The following PGM2L1 variants were observed in gnomAD, a reference collection of about 807,000 sequenced individuals.
PGM2L1 encodes phosphoglucomutase 2 like 1, also known as glucose 1,6-bisphosphate synthase.
A neutral mutation model predicts 73.4 loss-of-function variants in PGM2L1; 35 were observed. The observed-to-expected ratio is 0.48, with a 90% CI of 0.36 to 0.63. PGM2L1 has a LOEUF of 0.63. Among genes scored for constraint, PGM2L1 ranks in the 30% least tolerant of loss-of-function variants. The pLI is 0.00. For missense variants in PGM2L1, 570 were observed against 742.0 expected (o/e 0.77, Z 2.69); for synonymous variants, 225 against 253.8 (o/e 0.89, Z 1.08).
In PGM2L1 at chr11:74,335,617, A is replaced by G. The variant is rs1326943879; in HGVS notation, c.*1035T>C. 1 of 152,106 alleles carries G rather than the reference A, an allele frequency of 6.6e-6. No homozygotes were observed. Among genetic ancestry groups the G allele is most frequent in the Non-Finnish European group, 1.5e-5 (1 of 68,000 alleles). 9.4% of individuals were successfully genotyped at this position (152,106 alleles called of 1,614,324 possible). A position where few individuals can be genotyped will look rare whatever the true frequency, so the allele number is the denominator to read the frequency against. ...AGTAAAATTAACATTACTTCATAAA[A>G]TAAAAGAATAAATCTACTTACAAAA... On this transcript the variant is annotated 3_prime_UTR_variant, in exon 14 of 14. Transcript: ENST00000298198.
At chr11:74,343,769 C>CTTTTTT (rs56938172) in intron 9 of PGM2L1, among the ~76,000 whole-genome samples, 8 of 79,118 alleles carry the variant, frequency 1.0e-4, no homozygotes, top group Admixed American at 1.8e-4. Flanking sequence ...TTTACATTAT[C>CTTTTTT]TTTTTTTTTT....
chr11:74,348,722 T>C (rs1862304943), intron 6 of PGM2L1, among the ~76,000 whole-genome samples: 1 of 152,194 alleles, frequency 6.6e-6, no homozygotes, highest in Non-Finnish European at 1.5e-5. Context: ...AACCCAAATG[T>C]CATTTATTGA....
At chr11:74,377,022 T>G (rs1273242072) in intron 1 of PGM2L1, among the ~76,000 whole-genome samples, 1 of 152,122 alleles carries the variant, frequency 6.6e-6, no homozygotes, top group Admixed American at 6.5e-5. Context: ...TATTCTCCAT[T>G]CAGATGAACT....
chr11:74,363,585 A>G (rs1287120953), intron 5 of PGM2L1, among the ~76,000 whole-genome samples: 3 of 152,222 alleles, frequency 2.0e-5, no homozygotes, highest in East Asian at 3.8e-4. Context: ...AGAGAATACT[A>G]TAAACACCTC....
At chr11:74,356,721 AT>A (rs1309995030) in intron 5 of PGM2L1, among the ~76,000 whole-genome samples, 5 of 152,370 alleles carry the variant, frequency 3.3e-5, no homozygotes, top group Admixed American at 2.6e-4. Context: ...AAGAGTTCCC[AT>A]AAATCAATAA....
At position 74,346,553 on chromosome 11, in the gene PGM2L1, T is replaced by C. The variant is rs144831506; in HGVS notation, c.1037+179A>G. On this transcript the variant is annotated intron_variant, in intron 8 of 13. Coordinates refer to ENST00000298198, the MANE Select transcript of PGM2L1 (RefSeq NM_173582.6). ...ACAAATACATCTTTAAATATTTCAATTTAAAAGACAGGAAAGAATTATCAA... is the reference window on the plus strand; with the variant it reads ...ACAAATACATCTTTAAATATTTCAACTTAAAAGACAGGAAAGAATTATCAA... Among the ~76,000 whole-genome samples, 25 of 152,286 alleles carry C rather than the reference T, an allele frequency of 1.6e-4. No individual in the cohort carries two copies. In the East Asian group the frequency reaches 4.4e-3, roughly 27 times the overall value.
At chr11:74,360,573 T>C (rs187076323) in intron 5 of PGM2L1, among the ~76,000 whole-genome samples, 1 of 152,042 alleles carries the variant, frequency 6.6e-6, no homozygotes, top group Non-Finnish European at 1.5e-5. Context: ...GGACAGTGGG[T>C]GCAGCCCATC....
chr11:74,376,456 T>C (rs1862854535), intron 1 of PGM2L1, among the ~76,000 whole-genome samples: 1 of 149,834 alleles, frequency 6.7e-6, no homozygotes, highest in African/African-American at 2.4e-5. Context: ...AGTGTGTGTG[T>C]ATATATATAT....
chr11:74,390,987 A>G (rs1863093897), intron 1 of PGM2L1, among the ~76,000 whole-genome samples: 1 of 152,158 alleles, frequency 6.6e-6, no homozygotes, highest in Non-Finnish European at 1.5e-5. Context: ...TGGGTACAGA[A>G]ATTCAGTTTA....
intron 1 of PGM2L1, among the ~76,000 whole-genome samples, chr11:74,389,481 G>A (rs566844068): frequency 6.6e-6 from 1 of 151,556 alleles, no homozygotes; most frequent in Admixed American, 6.6e-5. Context: ...ATGGAGTCTC[G>A]CTCTGTCACC....
chr11:74,395,618 G>A (rs1186473115), intron 1 of PGM2L1, among the ~76,000 whole-genome samples: 1 of 133,380 alleles, frequency 7.5e-6, no homozygotes, highest in Non-Finnish European at 1.5e-5. Flanking sequence ...TGTTGGCCAG[G>A]CTGGTCTCGA....
At chr11:74,359,769 T>C (rs1283717941) in intron 5 of PGM2L1, among the ~76,000 whole-genome samples, 1 of 150,578 alleles carries the variant, frequency 6.6e-6, no homozygotes, top group East Asian at 1.9e-4. Context: ...GGACTATCCC[T>C]GAACAGAAAT....
At chr11:74,371,475 G>A (rs980500951) in intron 3 of PGM2L1, among the ~76,000 whole-genome samples, 1 of 152,146 alleles carries the variant, frequency 6.6e-6, no homozygotes, top group Non-Finnish European at 1.5e-5. Context: ...TATAAGCTAT[G>A]ATGTCATTCT....
chr11:74,349,153 C>T lies in PGM2L1; in HGVS notation c.750-1816G>A, dbSNP rs77907112. 2.3e-3 allele frequency among the ~76,000 whole-genome samples: 356 copies of T among 152,122 alleles called. 3 individuals are homozygous for T. In the East Asian group the frequency reaches 0.032, roughly 14 times the overall value. ...TATTTTTCTTTTAAAAATAATGATC[C>T]TTCATCAACCATTTGATTAGCCCTA... On this transcript the variant is annotated intron_variant, in intron 6 of 13. Transcript: ENST00000298198.
chr11:74,355,630 T>C (rs1260211343), intron 5 of PGM2L1: 6 of 459,290 alleles, frequency 1.3e-5, no homozygotes, highest in Non-Finnish European at 1.7e-5. Flanking sequence ...CTGGCCCCTA[T>C]GGTGGTGGAG....
At chr11:74,392,692 C>T (rs1261007771) in intron 1 of PGM2L1, among the ~76,000 whole-genome samples, 3 of 152,152 alleles carry the variant, frequency 2.0e-5, no homozygotes, top group Non-Finnish European at 4.4e-5. Flanking sequence ...CAGGTGCCCG[C>T]CACCTCGCCC....
intron 9 of PGM2L1, 96 bp downstream of exon 9, chr11:74,345,372 CA>C: frequency 8.9e-7 from 1 of 1,119,350 alleles, no homozygotes; most frequent in Non-Finnish European, 1.3e-6. Context: ...AAGGGAATTA[CA>C]AATGAAATCA....
intron 1 of PGM2L1, among the ~76,000 whole-genome samples, chr11:74,392,974 C>A (rs1226695299): frequency 6.6e-6 from 1 of 152,070 alleles, no homozygotes; most frequent in Non-Finnish European, 1.5e-5. Flanking sequence ...GGTTTGAGTC[C>A]CAATTTTACC....
At chr11:74,354,177 C>T (rs556142091) in intron 5 of PGM2L1, among the ~76,000 whole-genome samples, 1 of 151,994 alleles carries the variant, frequency 6.6e-6, no homozygotes, top group East Asian at 1.9e-4. Context: ...ATGCCTGTGG[C>T]CACCTACCTC....
Sources: allele counts gnomAD v4.1 joint callset (sites outside exome capture counted in the v4.1 genomes callset), GRCh38; gene constraint gnomAD v4.1.1; transcripts MANE v1.5; gene names NCBI Gene and HGNC (gene_info 2026-07-23, HGNC 2026-07-21).